DHX32: variants seen among roughly 807,000 people sequenced by gnomAD.
DHX32 encodes DEAH-box helicase 32 (putative), also known as putative pre-mRNA-splicing factor ATP-dependent RNA helicase DHX32.
A neutral mutation model predicts 70.0 loss-of-function variants in DHX32; 51 were observed. The ratio of observed to expected loss-of-function variants is 0.73; its 90% CI spans 0.58 to 0.92. The LOEUF is 0.92. Ranked by LOEUF, DHX32 falls within the 40% of genes least tolerant of loss-of-function variation. DHX32 has a pLI of 0.00. For missense variants in DHX32, 762 were observed against 891.8 expected (o/e 0.85, Z 1.85); for synonymous variants, 310 against 315.3 (o/e 0.98, Z 0.18).
chr10:125,877,014 G>A (rs1944288484), intron 1 of DHX32, among the ~76,000 whole-genome samples: 1 of 152,038 alleles, frequency 6.6e-6, no homozygotes, highest in Non-Finnish European at 1.5e-5. Context: ...CCCCTAAATG[G>A]TTCAGAATAA....
chr10:125,877,921 G>A (rs370276658), intron 1 of DHX32, among the ~76,000 whole-genome samples: 354 of 151,948 alleles, frequency 2.3e-3, no homozygotes, highest in Non-Finnish European at 3.6e-3. Context: ...AGATCTATTC[G>A]TAACTTCTCT....
Position 125,839,036 on chromosome 10 carries a change from T to C in DHX32, c.1846A>G (p.Ile616Val), listed in dbSNP as rs1564821887. 1 of 1,614,174 alleles carries C rather than the reference T, an allele frequency of 6.2e-7. No individual in the cohort carries two copies. The highest frequency in any genetic ancestry group is 1.3e-5 in the African/African-American group (1 of 75,054). ...AFGSKENTLN[I>V]KKALLSGYFM... ...TAACCGGACAGAAGAGCTTTCTTTA[T>C]GTTTAGAGTGTTTTCCTTGGAGCCA... Residue 616 changes from isoleucine (I) to valine (V), a missense_variant, in exon 9 of 11, where the codon ATA (isoleucine) becomes GTA (valine). Around this residue, in one of 3 missense-constraint regions of DHX32, gnomAD observed 366 missense variants for 402.6 expected, o/e 0.91. Transcript: ENST00000284690.
chr10:125,895,407 T>C (rs1359820480), intron 1 of DHX32, among the ~76,000 whole-genome samples: 2 of 152,242 alleles, frequency 1.3e-5, no homozygotes, highest in Admixed American at 6.5e-5. Context: ...ACCAAATCAA[T>C]CCTGCAGCCC....
At chr10:125,852,500 T>C (rs905694382) in intron 5 of DHX32, 43 bp downstream of exon 5, 15 of 1,613,362 alleles carry the variant, frequency 9.3e-6, no homozygotes, top group Non-Finnish European at 5.1e-6. Context: ...GTTGCCTGCA[T>C]ACAAGAATTG....
chr10:125,893,038 A>G (rs1470763192), intron 1 of DHX32, among the ~76,000 whole-genome samples: 1 of 152,232 alleles, frequency 6.6e-6, no homozygotes, highest in Non-Finnish European at 1.5e-5. Context: ...CTCCAAACAT[A>G]TTTAATCCAG....
At chr10:125,847,389 A>G (rs1247185498) in intron 6 of DHX32, among the ~76,000 whole-genome samples, 1 of 152,232 alleles carries the variant, frequency 6.6e-6, no homozygotes. Flanking sequence ...AGAATTTAAT[A>G]TATCCACTGC....
chr10:125,859,495 C>T, intron 3 of DHX32, 108 bp downstream of exon 3: 1 of 1,273,620 alleles, frequency 7.9e-7, no homozygotes, highest in Non-Finnish European at 1.1e-6. Context: ...TGTGATGAAA[C>T]CAAATATTTA....
At chr10:125,862,666 T>C (rs761137306) in intron 2 of DHX32, among the ~76,000 whole-genome samples, 12 of 152,150 alleles carry the variant, frequency 7.9e-5, no homozygotes, top group Non-Finnish European at 1.8e-4. Flanking sequence ...GCCTTACAGA[T>C]GATTATATAA....
intron 1 of DHX32, among the ~76,000 whole-genome samples, chr10:125,867,795 C>T (rs988307727): frequency 2.0e-5 from 3 of 149,628 alleles, no homozygotes; most frequent in African/African-American, 7.4e-5. Context: ...TCAACCTCAA[C>T]TGTGTTTCTG....
intron 6 of DHX32, among the ~76,000 whole-genome samples, chr10:125,844,079 T>G (rs1854949131): frequency 6.6e-6 from 1 of 152,148 alleles, no homozygotes; most frequent in Non-Finnish European, 1.5e-5. Flanking sequence ...TGGGGACCTT[T>G]GGACTAACCA....
Position 125,893,103 on chromosome 10 carries a change from C to G in DHX32, c.-248+3115G>C, listed in dbSNP as rs112707946. ...TAAAATTCTATAGGAAAGCATCCTACAGAGCTAAATGCTAAACCGTGTAGC... is the reference window on the plus strand; with the variant it reads ...TAAAATTCTATAGGAAAGCATCCTAGAGAGCTAAATGCTAAACCGTGTAGC... On this transcript the variant is annotated intron_variant, in intron 1 of 2. Coordinates refer to the DHX32 transcript ENST00000415732. 5.3e-5 allele frequency among the ~76,000 whole-genome samples: 8 copies of G among 152,334 alleles called. No individual in the cohort carries two copies. In the East Asian group the frequency reaches 1.4e-3, roughly 26 times the overall value.
At chr10:125,893,214 C>T (rs1389024125) in intron 1 of DHX32, among the ~76,000 whole-genome samples, 1 of 152,248 alleles carries the variant, frequency 6.6e-6, no homozygotes, top group Non-Finnish European at 1.5e-5. Flanking sequence ...CATGCTCCTG[C>T]AGTCCCATTT....
At chr10:125,853,088 A>AC (rs778211438) in intron 4 of DHX32, 19 of 1,452,380 alleles carry the variant, frequency 1.3e-5, no homozygotes, top group African/African-American at 2.8e-5. Context: ...GCTAATACAG[A>AC]AACTGCGTAT....
At chr10:125,891,227 G>A (rs1214301786) in intron 1 of DHX32, among the ~76,000 whole-genome samples, 1 of 152,258 alleles carries the variant, frequency 6.6e-6, no homozygotes, top group African/African-American at 2.4e-5. Context: ...TGACACATCT[G>A]AGAAAAATTT....
At chr10:125,857,709 T>A (rs1180494611) in intron 3 of DHX32, among the ~76,000 whole-genome samples, 3 of 152,156 alleles carry the variant, frequency 2.0e-5, no homozygotes, top group African/African-American at 7.2e-5. Context: ...CTTATAAGAA[T>A]CATGTACTCT....
chr10:125,858,384 AGAT>A (rs1184708684), intron 3 of DHX32, among the ~76,000 whole-genome samples: 1 of 152,358 alleles, frequency 6.6e-6, no homozygotes, highest in East Asian at 1.9e-4. Flanking sequence ...ATGCAGGATG[AGAT>A]GATAACAGAA....
rs774541874 is a variant in DHX32, at chr10:125,838,301, T to G, written c.1968A>C (p.Ser656=). The G allele has an allele frequency of 5.6e-6, 9 of 1,613,900 alleles. No individual in the cohort carries two copies. The highest frequency in any genetic ancestry group is 7.6e-6 in the Non-Finnish European group (9 of 1,179,994). The stretch of plus-strand genomic sequence containing the variant: ...CCCACTCTGGCATCTTCTTGGTGAT[T>G]GAGTAACCAGACAGGGGATGCAGCT... ...VAQLHPLSGY[S]ITKKMPEWVL... The change falls in exon 10 of 11, where the codon TCA becomes TCC. Residue 656 remains serine (S), a synonymous_variant. Transcript: ENST00000284690.
chr10:125,858,371 A>G (rs1944161821), intron 3 of DHX32, among the ~76,000 whole-genome samples: 1 of 152,206 alleles, frequency 6.6e-6, no homozygotes, highest in African/African-American at 2.4e-5. Flanking sequence ...AATATCTTGA[A>G]TCATGCAGGA....
intron 1 of DHX32, among the ~76,000 whole-genome samples, chr10:125,894,057 A>G (rs1435079527): frequency 1.8e-4 from 28 of 152,304 alleles, no homozygotes; most frequent in Non-Finnish European, 5.9e-5. Flanking sequence ...GTAAACAATA[A>G]TGTAACTATT....
Sources: allele counts gnomAD v4.1 joint callset (sites outside exome capture counted in the v4.1 genomes callset), GRCh38; gene constraint gnomAD v4.1.1; regional missense constraint gnomAD v4.1.1; transcripts MANE v1.5; gene names NCBI Gene and HGNC (gene_info 2026-07-23, HGNC 2026-07-21).